UTRN: variants seen among roughly 807,000 people sequenced by gnomAD.
UTRN encodes dystrophin-related protein 1.
UTRN carries 283 observed loss-of-function variants against 463.9 expected under a neutral mutation model. That is an observed-to-expected ratio of 0.61 (90% CI 0.55 to 0.67). UTRN has a LOEUF of 0.67. UTRN is among the 30% of genes least tolerant of loss of function. The pLI, the probability that UTRN is intolerant of heterozygous loss-of-function variation, is 0.00. For synonymous variants in UTRN, 1,442 were observed against 1,431.5 expected (o/e 1.01, Z -0.17); for missense variants, 3,922 against 4,084.3 (o/e 0.96, Z 1.08).
At chr6:144,613,901 T>C (rs1805789561) in intron 51 of UTRN, among the ~76,000 whole-genome samples, 1 of 152,128 alleles carries the variant, frequency 6.6e-6, no homozygotes, top group South Asian at 2.1e-4. Flanking sequence ...AATGCATGTA[T>C]GCAAACATAT....
chr6:144,625,649 A>T (rs1291796605), intron 51 of UTRN, among the ~76,000 whole-genome samples: 1 of 152,242 alleles, frequency 6.6e-6, no homozygotes, highest in Admixed American at 6.5e-5. Flanking sequence ...TTTATGAAGG[A>T]ATGTGCTAAT....
chr6:144,424,351 A>G (rs1562377684), intron 6 of UTRN, among the ~76,000 whole-genome samples: 2 of 152,162 alleles, frequency 1.3e-5, no homozygotes, highest in Admixed American at 1.3e-4. Context: ...CTGTGATAAC[A>G]TAGCTCCAGT....
rs531974818 is a variant in UTRN, at chr6:144,725,909, G to A, written c.7810-4448G>A. Among the ~76,000 whole-genome samples, 4 of 152,304 alleles carry A rather than the reference G, an allele frequency of 2.6e-5. No individual in the cohort carries two copies. The East Asian group carries it at 7.7e-4, about 29-fold the overall frequency. The stretch of plus-strand genomic sequence containing the variant: ...GCATGAGGGCCAGAGCCCTGTATTT[G>A]TACTTACTTGGCATGGTTCCCACCT... On this transcript the variant is annotated intron_variant, in intron 53 of 74. Transcript: ENST00000367545.
chr6:144,837,870 A>G (rs1781233625), intron 71 of UTRN, among the ~76,000 whole-genome samples: 1 of 152,194 alleles, frequency 6.6e-6, no homozygotes, highest in African/African-American at 2.4e-5. Context: ...GGGCCTCTCA[A>G]TCCCACAATT....
intron 23 of UTRN, among the ~76,000 whole-genome samples, chr6:144,469,227 G>T (rs1346016109): frequency 6.6e-6 from 1 of 152,174 alleles, no homozygotes; most frequent in East Asian, 1.9e-4. Context: ...GCAAACACAT[G>T]CTCATCCTGG....
chr6:144,436,040 G>A lies in UTRN; in HGVS notation c.961G>A (p.Val321Met), dbSNP rs1180624072. ...LDSYQIALEE[V>M]LTWLLSAEDT... Reference sequence around the variant, plus strand: ...CAGCTATCAGATTGCGTTGGAGGAAGTGCTGACCTGGTTGCTTTCTGCTGA... The same window carrying A: ...CAGCTATCAGATTGCGTTGGAGGAAATGCTGACCTGGTTGCTTTCTGCTGA... Residue 321 changes from valine (V) to methionine (M), a missense_variant, in exon 10 of 75, where the codon GTG (valine) becomes ATG (methionine). Physicochemically the swap from Val to Met is conservative, Grantham distance 21 (BLOSUM62 1). Transcript: ENST00000367545. The A allele has an allele frequency of 4.3e-6, 7 of 1,614,138 alleles. No homozygotes were observed. The highest frequency in any genetic ancestry group is 5.9e-6 in the Non-Finnish European group (7 of 1,180,050).
chr6:144,668,021 G>A (rs538944116), intron 51 of UTRN, among the ~76,000 whole-genome samples: 1 of 152,182 alleles, frequency 6.6e-6, no homozygotes, highest in Admixed American at 6.5e-5. Context: ...TTGTCATTTG[G>A]GTCAGATAAC....
At chr6:144,797,677 C>A in intron 63 of UTRN, 147 bp from the exon 64 acceptor site, 1 of 800,368 alleles carries the variant, frequency 1.2e-6, no homozygotes, top group Non-Finnish European at 1.9e-6. Flanking sequence ...CTTGAAGAAC[C>A]TTAAAGCATT....
chr6:144,487,502 G>C, intron 28 of UTRN, 46 bp from the exon 29 acceptor site: 1 of 1,533,882 alleles, frequency 6.5e-7, no homozygotes, highest in Non-Finnish European at 8.8e-7. Context: ...GATACCTTTT[G>C]CCTTAGTAAA....
chr6:144,754,263 G>T (rs1791736376), intron 56 of UTRN, among the ~76,000 whole-genome samples: 1 of 152,088 alleles, frequency 6.6e-6, no homozygotes, highest in Non-Finnish European at 1.5e-5. Flanking sequence ...GACTTTAGAG[G>T]CTTTACAAAC....
intron 41 of UTRN, among the ~76,000 whole-genome samples, chr6:144,523,960 G>A (rs554686560): frequency 1.3e-5 from 2 of 152,232 alleles, no homozygotes; most frequent in South Asian, 4.2e-4. Context: ...ATGAAAACAG[G>A]CAAGATTTTT....
intron 69 of UTRN, among the ~76,000 whole-genome samples, chr6:144,832,929 C>T (rs1017778730): frequency 1.3e-5 from 2 of 152,086 alleles, no homozygotes; most frequent in African/African-American, 2.4e-5. Context: ...AAGTGATTCT[C>T]CTGCCTCAGC....
rs565255678 is a variant in UTRN at position 144,539,612 on chromosome 6, A to G, written c.6519+169A>G. On this transcript the variant is annotated intron_variant, in intron 45 of 74. Transcript: ENST00000367545. ...TGTCATAGACAGAGGCATATATTCT[A>G]GAAGAATACTTTTTATTTTATACAG... Among the ~76,000 whole-genome samples, 30 of 152,356 alleles carry G rather than the reference A, an allele frequency of 2.0e-4. 1 individual carries two copies. The highest frequency in any genetic ancestry group is 1.6e-3 in the Admixed American group (24 of 15,308).
At chr6:144,487,840 G>A in intron 29 of UTRN, 143 bp downstream of exon 29, 1 of 678,356 alleles carries the variant, frequency 1.5e-6, no homozygotes, top group South Asian at 3.4e-5. Flanking sequence ...GGGCATTGAG[G>A]GTATTGAAAT....
chr6:144,642,864 A>G (rs1376819136), intron 51 of UTRN, among the ~76,000 whole-genome samples: 2 of 152,158 alleles, frequency 1.3e-5, no homozygotes, highest in African/African-American at 4.8e-5. Context: ...TGCTTCTCAA[A>G]TAGATTTTAC....
chr6:144,799,582 TCTACTA>T (rs67034814), intron 64 of UTRN: 55,107 of 452,592 alleles, frequency 0.12, 4,730 homozygotes, highest in East Asian at 0.45. Context: ...GCAAGGTCAG[TCTACTA>T]CTGGGAAGAT....
chr6:144,467,121 C>T (rs893634962), intron 23 of UTRN, among the ~76,000 whole-genome samples: 18 of 152,216 alleles, frequency 1.2e-4, no homozygotes, highest in African/African-American at 4.3e-4. Flanking sequence ...CCCTGCATCT[C>T]CACTGTGAGC....
intron 27 of UTRN, 35 bp from the exon 28 acceptor site, chr6:144,485,350 G>C: frequency 6.2e-7 from 1 of 1,613,130 alleles, no homozygotes; most frequent in Non-Finnish European, 8.5e-7. Flanking sequence ...GTGTGAAATG[G>C]CTTTTTGTCT....
At chr6:144,696,280 G>T (rs1332861301) in intron 52 of UTRN, among the ~76,000 whole-genome samples, 1 of 151,342 alleles carries the variant, frequency 6.6e-6, no homozygotes, top group Non-Finnish European at 1.5e-5. Context: ...CATTCTAATA[G>T]AACTTTCTCC....
Sources: allele counts gnomAD v4.1 joint callset (sites outside exome capture counted in the v4.1 genomes callset), GRCh38; gene constraint gnomAD v4.1.1; transcripts MANE v1.5; gene names NCBI Gene and HGNC (gene_info 2026-07-23, HGNC 2026-07-21).